The following TOPAZ1 variants were observed in gnomAD, a reference collection of about 807,000 sequenced individuals.
TOPAZ1 encodes the protein protein TOPAZ1.
A neutral mutation model predicts 172.2 loss-of-function variants in TOPAZ1; 66 were observed. That is an observed-to-expected ratio of 0.38 (90% CI 0.31 to 0.47). The LOEUF is 0.47. Ranked by LOEUF, TOPAZ1 falls within the 20% of genes least tolerant of loss-of-function variation. TOPAZ1 has a pLI of 0.99. For missense variants in TOPAZ1, 1,822 were observed against 1,972.4 expected (o/e 0.92, Z 1.44); for synonymous variants, 681 against 683.9 (o/e 1.00, Z 0.07).
downstream of TOPAZ1, among the ~76,000 whole-genome samples, chr3:44,335,551 G>A (rs1174287831): frequency 3.9e-5 from 6 of 152,136 alleles, no homozygotes; most frequent in Non-Finnish European, 1.5e-5. Context: ...TTGAGCTTGG[G>A]AAGCAGAGGT....
intron 4 of TOPAZ1, among the ~76,000 whole-genome samples, chr3:44,259,312 G>C (rs149184033): frequency 6.6e-6 from 1 of 151,280 alleles, no homozygotes; most frequent in Non-Finnish European, 1.5e-5. Flanking sequence ...TTTATCCAGG[G>C]TTTATGGTTG....
downstream of TOPAZ1, among the ~76,000 whole-genome samples, chr3:44,333,703 C>A (rs1700694130): frequency 6.6e-6 from 1 of 152,064 alleles, no homozygotes; most frequent in South Asian, 2.1e-4. Flanking sequence ...GTCAACAGTG[C>A]CAAAAGATGG....
intron 2 of TOPAZ1, among the ~76,000 whole-genome samples, chr3:44,246,610 A>C (rs1314893738): frequency 6.6e-6 from 1 of 152,158 alleles, no homozygotes; most frequent in East Asian, 1.9e-4. Flanking sequence ...AGATGGAAAA[A>C]AATGAAGACA....
intron 8 of TOPAZ1, among the ~76,000 whole-genome samples, chr3:44,274,342 A>G (rs548777861): frequency 6.6e-6 from 1 of 151,550 alleles, no homozygotes; most frequent in Non-Finnish European, 1.5e-5. Flanking sequence ...TGGAGGTTGC[A>G]GTGAGGCGAG....
At chr3:44,320,898 T>C in intron 16 of TOPAZ1, 129 bp from the exon 17 acceptor site, 1 of 566,562 alleles carries the variant, frequency 1.8e-6, no homozygotes, top group Non-Finnish European at 3.0e-6. Flanking sequence ...GCCATGGTTA[T>C]CTTCTCTGAG....
chr3:44,279,394 G>A (rs1699998334), intron 8 of TOPAZ1, among the ~76,000 whole-genome samples: 2 of 152,136 alleles, frequency 1.3e-5, no homozygotes, highest in Non-Finnish European at 1.5e-5. Flanking sequence ...TAGATGTTCT[G>A]TCTAATGCTG....
chr3:44,303,997 T>A lies in TOPAZ1; in HGVS notation c.3798-18T>A, dbSNP rs1480057817. 5.4e-6 allele frequency: 8 copies of A among 1,472,340 alleles called. No homozygotes were observed. Among genetic ancestry groups the A allele is most frequent in the Non-Finnish European group, 7.4e-6 (8 of 1,079,564 alleles). 91.2% of individuals were successfully genotyped at this position (1,472,340 alleles called of 1,614,324 possible). On this transcript the variant is annotated intron_variant, in intron 12 of 19. Transcript: ENST00000309765. ...AAGGGGTGAATATAGTATAATTAAC[T>A]CTTTTCTTTTGTTAAAGGTTACAGA...
Position 44,290,814 on chromosome 3 carries a change from A to G in TOPAZ1, c.3725A>G (p.Tyr1242Cys), listed in dbSNP as rs1008926658. 3 of 1,550,428 alleles carry G rather than the reference A, an allele frequency of 1.9e-6. No homozygotes were observed. Among genetic ancestry groups the G allele is most frequent in the African/African-American group, 2.7e-5 (2 of 72,954 alleles). ...GTGCTTGACCCAGAGCACTTTAACT[A>G]TATTGTTAAGCTTTTATACCAAGTA... ...GMVLDPEHFNYIVKLLYQVQA... is the reference protein window; with the variant it reads ...GMVLDPEHFNCIVKLLYQVQA... Residue 1242 changes from tyrosine to cysteine, a missense_variant, in exon 12 of 20, where the codon TAT becomes TGT. Transcript: ENST00000309765.
intron 3 of TOPAZ1, among the ~76,000 whole-genome samples, chr3:44,255,670 TACACACACACACACACAC>T (rs71085609): frequency 1.0e-3 from 48 of 46,364 alleles, no homozygotes; most frequent in African/African-American, 3.0e-3. Flanking sequence ...AAAATATATA[TACACACACACACACACAC>T]ACACACACAC....
intron 6 of TOPAZ1, among the ~76,000 whole-genome samples, chr3:44,267,853 C>G (rs1235114301): frequency 1.3e-5 from 2 of 152,106 alleles, no homozygotes; most frequent in African/African-American, 4.8e-5. Context: ...TACCTACTGA[C>G]TTCATGCTGC....
chr3:44,311,266 C>A (rs1700395413), intron 16 of TOPAZ1, among the ~76,000 whole-genome samples: 3 of 152,092 alleles, frequency 2.0e-5, no homozygotes, highest in Admixed American at 6.6e-5. Flanking sequence ...AGGTATTCTT[C>A]AACTTAAACA....
chr3:44,296,640 A>G (rs1700198479), intron 12 of TOPAZ1, among the ~76,000 whole-genome samples: 1 of 152,146 alleles, frequency 6.6e-6, no homozygotes, highest in Non-Finnish European at 1.5e-5. Context: ...TAGTGTTACA[A>G]CTATGGAAGA....
At chr3:44,242,433 C>T (rs1360930137) in intron 1 of TOPAZ1, 34 bp downstream of exon 1, 1 of 1,544,122 alleles carries the variant, frequency 6.5e-7, no homozygotes, top group South Asian at 1.2e-5. Context: ...TACCTTTAGC[C>T]CTTGTACCTC....
In TOPAZ1 at chr3:44,256,195, G is replaced by A. The variant is rs964942877; in HGVS notation, c.2872G>A (p.Gly958Arg). 3 of 1,530,492 alleles carry A rather than the reference G, an allele frequency of 2.0e-6. No individual in the cohort carries two copies. In the East Asian group the frequency reaches 7.6e-5, roughly 39 times the overall value. The allele number at this position is 1,530,492 out of a possible 1,614,324, so 94.8% of individuals were successfully genotyped here. ...TCCCAAAGATGTAAACACTTCCTTA[G>A]GAGAAGTTGCTAATGAGACCTCTGA... ...RDPKDVNTSLGEVANETSENE... is the reference protein window; with the variant it reads ...RDPKDVNTSLREVANETSENE... Residue 958 changes from glycine (G) to arginine (R), a missense_variant, in exon 4 of 20, where the codon GGA (glycine) becomes AGA (arginine). Transcript: ENST00000309765.
intron 7 of TOPAZ1, among the ~76,000 whole-genome samples, chr3:44,269,701 A>G (rs374078537): frequency 6.6e-5 from 10 of 151,378 alleles, no homozygotes; most frequent in African/African-American, 2.4e-4. Context: ...GCTCACTGCA[A>G]CCTCTGCCTC....
intron 12 of TOPAZ1, among the ~76,000 whole-genome samples, chr3:44,292,142 C>T (rs1700144800): frequency 6.6e-6 from 1 of 152,128 alleles, no homozygotes; most frequent in Admixed American, 6.6e-5. Context: ...AGTACTTCTT[C>T]CCTTCAATCA....
At chr3:44,271,944 G>C (rs1262818821) in intron 8 of TOPAZ1, among the ~76,000 whole-genome samples, 1 of 152,006 alleles carries the variant, frequency 6.6e-6, no homozygotes, top group East Asian at 1.9e-4. Flanking sequence ...GGTAACTACT[G>C]TTCTACTCTC....
At chr3:44,327,961 C>T (rs1196318296) in intron 18 of TOPAZ1, among the ~76,000 whole-genome samples, 1 of 152,108 alleles carries the variant, frequency 6.6e-6, no homozygotes, top group Admixed American at 6.5e-5. Context: ...CCAGGCTGGT[C>T]TCAAACTACT....
At chr3:44,326,677 G>C (rs771588658) in intron 18 of TOPAZ1, among the ~76,000 whole-genome samples, 3 of 152,060 alleles carry the variant, frequency 2.0e-5, no homozygotes, top group Non-Finnish European at 4.4e-5. Context: ...ATCAGGAGGA[G>C]GTTGTCCAGG....
Sources: gnomAD v4.1 joint callset for allele counts (sites outside exome capture counted in the v4.1 genomes callset) on GRCh38, gnomAD v4.1.1 for gene constraint, MANE v1.5 for transcripts, NCBI Gene and HGNC (gene_info 2026-07-23, HGNC 2026-07-21) for gene names.